Variants in LHFPL2 observed in about 807,000 individuals in gnomAD.
The protein encoded by LHFPL2 is LHFPL tetraspan subfamily member 2 protein.
A neutral mutation model predicts 17.5 loss-of-function variants in LHFPL2; 7 were observed. The ratio of observed to expected loss-of-function variants is 0.40; its 90% CI spans 0.23 to 0.75. The LOEUF (loss-of-function observed/expected upper bound fraction) is 0.75. Ranked by LOEUF, LHFPL2 falls within the 30% of genes least tolerant of loss-of-function variation. LHFPL2 has a pLI of 0.37. For synonymous variants in LHFPL2, 134 were observed against 116.2 expected (o/e 1.15, Z -0.99); for missense variants, 241 against 294.8 (o/e 0.82, Z 1.34).
chr5:78,557,615 G>C (rs1249252048), intron 3 of LHFPL2, among the ~76,000 whole-genome samples: 1 of 152,234 alleles, frequency 6.6e-6, no homozygotes, highest in Non-Finnish European at 1.5e-5. Flanking sequence ...TTACGTGAAA[G>C]AGATGTAAAT....
chr5:78,552,490 CAA>C (rs1311729501), intron 3 of LHFPL2, among the ~76,000 whole-genome samples: 1 of 152,210 alleles, frequency 6.6e-6, no homozygotes, highest in Non-Finnish European at 1.5e-5. Context: ...CTCTACAAGA[CAA>C]AGACAACTAA....
At chr5:78,577,284 G>C (rs983889065) in intron 2 of LHFPL2, among the ~76,000 whole-genome samples, 1 of 152,110 alleles carries the variant, frequency 6.6e-6, no homozygotes, top group Non-Finnish European at 1.5e-5. Flanking sequence ...CATAAACTTG[G>C]AACACTGCAA....
chr5:78,549,944 T>G (rs967038463), intron 3 of LHFPL2, among the ~76,000 whole-genome samples: 5 of 152,194 alleles, frequency 3.3e-5, no homozygotes, highest in Admixed American at 6.5e-5. Context: ...CTTGAAAAAC[T>G]TTCCTAGAAG....
At chr5:78,539,797 G>C (rs1208899280) in intron 3 of LHFPL2, among the ~76,000 whole-genome samples, 1 of 148,018 alleles carries the variant, frequency 6.8e-6, no homozygotes, top group East Asian at 2.0e-4. Flanking sequence ...ACTTCTACAT[G>C]AACCAGGCAA....
chr5:78,647,669 A>G (rs1580891951), intron 1 of LHFPL2, among the ~76,000 whole-genome samples: 1 of 152,186 alleles, frequency 6.6e-6, no homozygotes, highest in East Asian at 1.9e-4. Flanking sequence ...TGGGGATAGG[A>G]CTTTGTCTTT....
intron 3 of LHFPL2, among the ~76,000 whole-genome samples, chr5:78,537,188 C>A (rs368391731): frequency 1.3e-5 from 2 of 152,308 alleles, no homozygotes; most frequent in South Asian, 2.1e-4. Context: ...GATCTGAGAT[C>A]CACCTCTGCT....
chr5:78,554,027 C>T (rs1316117046), intron 3 of LHFPL2, among the ~76,000 whole-genome samples: 7 of 152,236 alleles, frequency 4.6e-5, no homozygotes, highest in African/African-American at 1.7e-4. Context: ...GTATCAAATT[C>T]TTACCTCTTT....
rs61127481 is a variant in LHFPL2, at chr5:78,578,585, GCACACACA to G, written c.-244-13722_-244-13715del. The stretch of plus-strand genomic sequence containing the variant: ...CTTAGGCTGTTTTTCTTGCATATGT[GCACACACA>G]CACACACACACACACACACACACAC... On this transcript the variant is annotated intron_variant, in intron 2 of 4. Transcript: ENST00000380345. Among the ~76,000 whole-genome samples the G allele has an allele frequency of 6.1e-3, 897 of 146,978 alleles. 13 individuals are homozygous for G. Among genetic ancestry groups the G allele is most frequent in the African/African-American group, 0.021 (831 of 40,050 alleles).
chr5:78,504,717 T>C (rs1159044547), intron 4 of LHFPL2, among the ~76,000 whole-genome samples: 3 of 152,218 alleles, frequency 2.0e-5, no homozygotes, highest in Non-Finnish European at 2.9e-5. Context: ...CCCTCAATCA[T>C]TGCTCACTTC....
chr5:78,563,085 A>C (rs1165838997), intron 3 of LHFPL2, among the ~76,000 whole-genome samples: 1 of 152,192 alleles, frequency 6.6e-6, no homozygotes, highest in Non-Finnish European at 1.5e-5. Flanking sequence ...AGTAGAAATA[A>C]ATGCCCCTCC....
chr5:78,501,232 G>T (rs905565147), intron 4 of LHFPL2, among the ~76,000 whole-genome samples: 7 of 152,134 alleles, frequency 4.6e-5, no homozygotes, highest in Admixed American at 3.3e-4. Flanking sequence ...TTTCATAAAA[G>T]AATATTTTAA....
intron 1 of LHFPL2, chr5:78,642,062 G>T (rs1425811733): frequency 3.3e-5 from 5 of 152,152 alleles, no homozygotes; most frequent in Non-Finnish European, 7.3e-5. Context: ...TTTGGTTCCT[G>T]ATGAGGGCCC....
chr5:78,546,693 CT>C (rs1315243562), intron 3 of LHFPL2, among the ~76,000 whole-genome samples: 1 of 152,234 alleles, frequency 6.6e-6, no homozygotes, highest in Non-Finnish European at 1.5e-5. Context: ...CTCCTTGCTA[CT>C]TAGAGGTCAC....
At chr5:78,596,841 C>T (rs1743844109) in intron 2 of LHFPL2, among the ~76,000 whole-genome samples, 1 of 152,174 alleles carries the variant, frequency 6.6e-6, no homozygotes, top group East Asian at 1.9e-4. Context: ...ATAATATTGA[C>T]AGTTTCTTCT....
At chr5:78,574,595 T>C (rs1480965577) in intron 2 of LHFPL2, among the ~76,000 whole-genome samples, 2 of 152,210 alleles carry the variant, frequency 1.3e-5, no homozygotes, top group Non-Finnish European at 2.9e-5. Context: ...TGGGACATAA[T>C]TTTGTCTAGT....
chr5:78,579,157 A>G (rs1340936860), intron 2 of LHFPL2, among the ~76,000 whole-genome samples: 4 of 152,196 alleles, frequency 2.6e-5, no homozygotes, highest in African/African-American at 4.8e-5. Context: ...ACACCCTCAC[A>G]TGACCTACAA....
chr5:78,646,705 T>C (rs960391892), intron 1 of LHFPL2, among the ~76,000 whole-genome samples: 14 of 152,212 alleles, frequency 9.2e-5, no homozygotes, highest in African/African-American at 2.9e-4. Flanking sequence ...TCTCCTACTA[T>C]GGACTTTTCC....
At chr5:78,588,598 C>A (rs1454167606) in intron 2 of LHFPL2, among the ~76,000 whole-genome samples, 1 of 152,086 alleles carries the variant, frequency 6.6e-6, no homozygotes, top group Non-Finnish European at 1.5e-5. Flanking sequence ...AAGGATGAAG[C>A]TCTGTAAATA....
chr5:78,498,817 C>T (rs913930279), intron 4 of LHFPL2, among the ~76,000 whole-genome samples: 1 of 152,124 alleles, frequency 6.6e-6, no homozygotes, highest in Non-Finnish European at 1.5e-5. Flanking sequence ...AGTGGATAAC[C>T]ATCTATCTGG....
Sources: allele counts gnomAD v4.1 joint callset (sites outside exome capture counted in the v4.1 genomes callset), GRCh38; gene constraint gnomAD v4.1.1; transcripts MANE v1.5; gene names NCBI Gene and HGNC (gene_info 2026-07-23, HGNC 2026-07-21).